GALK2: variants seen among roughly 807,000 people sequenced by gnomAD.
GALK2 encodes galactokinase 2, also known as N-acetylgalactosamine kinase.
In GALK2, 36 loss-of-function variants were observed where a neutral mutation model predicts 52.4. That is an observed-to-expected ratio of 0.69 (90% confidence interval 0.53 to 0.91). The LOEUF (loss-of-function observed/expected upper bound fraction) is 0.91. Among genes scored for constraint, GALK2 ranks in the 40% least tolerant of loss-of-function variants. GALK2 has a pLI of 0.00. For synonymous variants in GALK2, 176 were observed against 199.1 expected (o/e 0.88, Z 0.98); for missense variants, 579 against 559.1 (o/e 1.04, Z -0.36).
At chr15:49,192,472 A>T (rs1319676664) in intron 1 of GALK2, among the ~76,000 whole-genome samples, 1 of 87,018 alleles carries the variant, frequency 1.1e-5, no homozygotes, top group Non-Finnish European at 2.4e-5. Context: ...TGCAATGAAT[A>T]TTATATATAT....
At chr15:49,237,566 C>T (rs941466333) in intron 4 of GALK2, among the ~76,000 whole-genome samples, 5 of 151,660 alleles carry the variant, frequency 3.3e-5, no homozygotes, top group Non-Finnish European at 7.4e-5. Context: ...AACCTCTGCC[C>T]CCGGGGTTCA....
chr15:49,360,120 A>G (rs944443235), intron 3 of GALK2, among the ~76,000 whole-genome samples: 36 of 150,588 alleles, frequency 2.4e-4, no homozygotes, highest in African/African-American at 5.3e-4. Flanking sequence ...GGATAGCATC[A>G]GGAGATATAC....
intron 1 of GALK2, among the ~76,000 whole-genome samples, chr15:49,175,307 A>G (rs947291321): frequency 2.0e-5 from 3 of 152,206 alleles, no homozygotes; most frequent in Non-Finnish European, 2.9e-5. Context: ...CCTCTGTCCA[A>G]TCAGAGTTGT....
intron 5 of GALK2, among the ~76,000 whole-genome samples, chr15:49,264,363 G>A (rs1334958074): frequency 5.3e-5 from 8 of 151,818 alleles, no homozygotes; most frequent in South Asian, 4.2e-4. Flanking sequence ...TGATCGCATC[G>A]GCTCCTGAGG....
intron 1 of GALK2, chr15:49,178,620 G>A: frequency 4.4e-6 from 1 of 225,216 alleles, no homozygotes; most frequent in Admixed American, 4.5e-5. Flanking sequence ...TGGGTGGGAT[G>A]TGGAGCCCTG....
Position 49,262,404 on chromosome 15 carries a change from C to T in GALK2, c.505-19583C>T, listed in dbSNP as rs1035364704. Among the ~76,000 whole-genome samples the T allele has an allele frequency of 1.2e-3, 177 of 152,120 alleles. 3 individuals are homozygous for T. The highest frequency in any genetic ancestry group is 3.9e-3 in the African/African-American group (163 of 41,484). On this transcript the variant is annotated intron_variant, in intron 5 of 9. Transcript: ENST00000560031. ...ATGGTAGTTTGTATTTCTGTGGGAT[C>T]GGTGGTGATATCCCCTTTATCATTT... is the stretch of plus-strand genomic sequence containing the variant.
At position 49,328,618 on chromosome 15, in the gene GALK2, A is replaced by G; in HGVS notation, c.*459A>G. 6.3e-7 allele frequency: 1 copy of G among 1,587,980 alleles called. No homozygotes were observed. Among genetic ancestry groups the G allele is most frequent in the Non-Finnish European group, 8.6e-7 (1 of 1,163,546 alleles). On this transcript the variant is annotated 3_prime_UTR_variant, in exon 10 of 10. Coordinates refer to ENST00000560031, the MANE Select transcript of GALK2 (RefSeq NM_002044.4). ...TAGTTGTCTGTTGATGATGGTGATG[A>G]TGATGATGATGACGATAGTGATGCC...
chr15:49,362,192 G>T (rs990599578), intron 3 of GALK2, among the ~76,000 whole-genome samples: 2 of 152,102 alleles, frequency 1.3e-5, no homozygotes, highest in Admixed American at 6.5e-5. Flanking sequence ...ATGTGTTGGG[G>T]GAGGGTCCTG....
chr15:49,320,482 A>G (rs2036790691), intron 9 of GALK2, among the ~76,000 whole-genome samples: 1 of 152,238 alleles, frequency 6.6e-6, no homozygotes, highest in Non-Finnish European at 1.5e-5. Flanking sequence ...CTTACCCAGG[A>G]AGGAGCTCAG....
intron 2 of GALK2, among the ~76,000 whole-genome samples, chr15:49,206,743 T>A (rs2088321167): frequency 6.6e-6 from 1 of 152,102 alleles, no homozygotes; most frequent in Non-Finnish European, 1.5e-5. Context: ...TCTGAAGGAG[T>A]CCATAGGGTT....
intron 2 of GALK2, among the ~76,000 whole-genome samples, chr15:49,213,855 C>T (rs1023952040): frequency 2.6e-5 from 4 of 151,954 alleles, no homozygotes; most frequent in Non-Finnish European, 4.4e-5. Context: ...TGGTGCCTCA[C>T]GCCTGTAATC....
At chr15:49,175,926 G>A (rs1360516364) in intron 1 of GALK2, among the ~76,000 whole-genome samples, 1 of 152,158 alleles carries the variant, frequency 6.6e-6, no homozygotes, top group Non-Finnish European at 1.5e-5. Flanking sequence ...ACCCTCTCAT[G>A]TGGACCCCCT....
chr15:49,199,721 A>G (rs1452091968), intron 1 of GALK2, among the ~76,000 whole-genome samples: 1 of 152,192 alleles, frequency 6.6e-6, no homozygotes, highest in Non-Finnish European at 1.5e-5. Flanking sequence ...TGGAGCTGTT[A>G]AGTCTTGTAG....
At chr15:49,160,237 T>C (rs981681326) in intron 1 of GALK2, among the ~76,000 whole-genome samples, 1 of 152,030 alleles carries the variant, frequency 6.6e-6, no homozygotes, top group African/African-American at 2.4e-5. Flanking sequence ...ATTGCGCCAC[T>C]GTACTCCAGC....
chr15:49,299,669 T>C (rs2034793883), intron 8 of GALK2, among the ~76,000 whole-genome samples: 1 of 152,002 alleles, frequency 6.6e-6, no homozygotes, highest in African/African-American at 2.4e-5. Context: ...TTGTTTAGTT[T>C]TCATGGGATT....
chr15:49,316,847 C>T (rs1046730393), intron 8 of GALK2, among the ~76,000 whole-genome samples: 2 of 152,066 alleles, frequency 1.3e-5, no homozygotes, highest in Middle Eastern at 3.2e-3. Context: ...AGGGAGGAGC[C>T]GGGGAATAAA....
chr15:49,335,217 C>A (rs996282311), downstream of GALK2, among the ~76,000 whole-genome samples: 2 of 152,148 alleles, frequency 1.3e-5, no homozygotes, highest in Non-Finnish European at 2.9e-5. Flanking sequence ...TCCTTCCTTT[C>A]TTCTGTCCCT....
intron 3 of GALK2, among the ~76,000 whole-genome samples, chr15:49,358,245 G>A (rs1165044078): frequency 4.0e-5 from 6 of 149,584 alleles, no homozygotes; most frequent in Non-Finnish European, 5.9e-5. Context: ...AGGGCAATTA[G>A]GCAGGAGAAG....
intron 9 of GALK2, 104 bp from the exon 10 acceptor site, chr15:49,327,848 A>G: frequency 1.8e-6 from 2 of 1,089,390 alleles, no homozygotes; most frequent in Non-Finnish European, 2.6e-6. Context: ...CCCCGCATGT[A>G]TTTTCTTCTT....
Sources: allele counts gnomAD v4.1 joint callset (sites outside exome capture counted in the v4.1 genomes callset), GRCh38; gene constraint gnomAD v4.1.1; transcripts MANE v1.5; gene names NCBI Gene and HGNC (gene_info 2026-07-23, HGNC 2026-07-21).